The following SNAP47 variants were observed in gnomAD, a reference collection of about 807,000 sequenced individuals.
The protein encoded by SNAP47 is synaptosome associated protein 47, also known as synaptosomal-associated protein 47.
A neutral mutation model predicts 31.4 loss-of-function variants in SNAP47; 20 were observed. The observed-to-expected ratio is 0.64, with a 90% CI of 0.45 to 0.93. SNAP47 has a LOEUF of 0.93. Ranked by LOEUF, SNAP47 falls within the 40% of genes least tolerant of loss-of-function variation. The probability of loss-of-function intolerance (pLI) is 0.00; values close to 1 mark genes in which losing one functional copy is unlikely to be tolerated. For synonymous variants in SNAP47, 194 were observed against 213.4 expected (o/e 0.91, Z 0.79); for missense variants, 492 against 528.5 (o/e 0.93, Z 0.68).
chr1:227,748,202 AAG>A lies in SNAP47; in HGVS notation c.468_469del (p.Lys156AsnfsTer24). 6.2e-7 allele frequency: 1 copy of A among 1,602,434 alleles called. No homozygotes were observed. The highest frequency in any genetic ancestry group is 8.5e-7 in the Non-Finnish European group (1 of 1,174,220). The part of the protein sequence containing the change: ...QLDSVMRGLD[K>X]MESDLEVADR... ...GGACAGCGTCATGAGAGGCCTGGAC[AAG>A]ATGGAGTCAGACCTGGAGGTGGCGG... On this transcript the variant is annotated frameshift_variant, in exon 2 of 5. Transcript: ENST00000617596. LOFTEE classifies it high-confidence loss of function.
chr1:227,742,790 C>T (rs898094368), intron 1 of SNAP47, among the ~76,000 whole-genome samples: 4 of 152,226 alleles, frequency 2.6e-5, no homozygotes, highest in Non-Finnish European at 4.4e-5. Context: ...CCTGTGGGTA[C>T]TGGCTTGCCT....
chr1:227,771,997 C>T (rs920018627), intron 4 of SNAP47, among the ~76,000 whole-genome samples: 1 of 152,132 alleles, frequency 6.6e-6, no homozygotes, highest in African/African-American at 2.4e-5. Context: ...ACAGGTCAAG[C>T]AGAGACCGAG....
intron 2 of SNAP47, among the ~76,000 whole-genome samples, chr1:227,755,379 C>T (rs76342702): frequency 6.8e-6 from 1 of 147,068 alleles, no homozygotes; most frequent in Non-Finnish European, 1.5e-5. Flanking sequence ...GTTTTGTTTT[C>T]TTTTTTTTCT....
rs549374335 is a variant in SNAP47 at position 227,762,230 on chromosome 1, C to T, written c.988+2745C>T. ...GCCACCTTTCCGTGCTCACTTTCAC[C>T]CCCATGGGCAACCTGGCCTGTCCAG... On this transcript the variant is annotated intron_variant, in intron 3 of 4. Coordinates refer to ENST00000617596, the MANE Select transcript of SNAP47 (RefSeq NM_053052.4). The surrounding 1 kb of genome is among the most constrained non-coding windows in gnomAD (Gnocchi z 4.2). Among the ~76,000 whole-genome samples the T allele has an allele frequency of 1.3e-5, 2 of 152,222 alleles. No individual in the cohort carries two copies. The highest frequency in any genetic ancestry group is 2.9e-5 in the Non-Finnish European group (2 of 68,034).
intron 2 of SNAP47, among the ~76,000 whole-genome samples, chr1:227,752,597 G>A (rs972785538): frequency 2.6e-5 from 4 of 152,124 alleles, no homozygotes; most frequent in African/African-American, 9.7e-5. Flanking sequence ...AAATTCCATG[G>A]CATATAGACA....
intron 3 of SNAP47, among the ~76,000 whole-genome samples, chr1:227,764,667 A>T (rs1186160500): frequency 2.0e-5 from 3 of 152,188 alleles, no homozygotes; most frequent in Non-Finnish European, 2.9e-5. Flanking sequence ...GCAGTTGGGG[A>T]GGCAGAGGCG....
chr1:227,747,987 G>C lies in SNAP47; in HGVS notation c.251G>C (p.Arg84Pro). 1 of 1,614,188 alleles carries C rather than the reference G, an allele frequency of 6.2e-7. No homozygotes were observed. The highest frequency in any genetic ancestry group is 8.5e-7 in the Non-Finnish European group (1 of 1,180,030). The change falls in exon 2 of 5, where the codon CGG (arginine) becomes CCG (proline). Residue 84 changes from arginine to proline, a missense_variant. Transcript: ENST00000617596. ...GHAKHWFSSL[R>P]PSRNVVFSII... ...GCCAAGCACTGGTTCAGCTCCCTGC[G>C]GCCAAGTCGAAATGTGGTCTTCAGC...
chr1:227,767,144 C>T (rs1051483082), intron 4 of SNAP47, 61 bp downstream of exon 4: 1 of 1,594,844 alleles, frequency 6.3e-7, no homozygotes, highest in Non-Finnish European at 8.6e-7. Context: ...GCAGGCTGCT[C>T]CTCTTGCCTT....
At chr1:227,758,886 G>A in intron 2 of SNAP47, 109 bp from the exon 3 acceptor site, 1 of 1,366,342 alleles carries the variant, frequency 7.3e-7, no homozygotes. Context: ...ATGAAGTAGA[G>A]TAAAATGGCA....
intron 4 of SNAP47, among the ~76,000 whole-genome samples, chr1:227,773,389 T>C (rs1251204787): frequency 6.6e-6 from 1 of 152,210 alleles, no homozygotes; most frequent in Non-Finnish European, 1.5e-5. Flanking sequence ...TTTGAAATTT[T>C]ATTACAGAAG....
chr1:227,730,082 T>C (rs1165849884), upstream of SNAP47, among the ~76,000 whole-genome samples: 1 of 152,188 alleles, frequency 6.6e-6, no homozygotes, highest in African/African-American at 2.4e-5. Flanking sequence ...CTCTGACCCC[T>C]TTCCTCAGGA....
chr1:227,764,967 C>T (rs573026772), intron 3 of SNAP47, among the ~76,000 whole-genome samples: 2 of 152,264 alleles, frequency 1.3e-5, no homozygotes, highest in Admixed American at 1.3e-4. Context: ...CTCAGCTACT[C>T]GGGAGGCTGA....
chr1:227,735,527 G>A, intron 1 of SNAP47, 28 bp downstream of exon 1: 4 of 1,372,282 alleles, frequency 2.9e-6, no homozygotes, highest in Non-Finnish European at 3.7e-6. Context: ...TCTGTTGGGC[G>A]CCCGGCCCAA....
intron 3 of SNAP47, chr1:227,759,792 C>T (rs570593030): frequency 4.2e-5 from 17 of 402,290 alleles, no homozygotes; most frequent in Non-Finnish European, 6.8e-5. Flanking sequence ...GAAATTTGGT[C>T]GCCAGTGTGG....
intron 1 of SNAP47, among the ~76,000 whole-genome samples, chr1:227,744,342 T>C (rs763043179): frequency 6.6e-6 from 1 of 152,168 alleles, no homozygotes; most frequent in Non-Finnish European, 1.5e-5. Flanking sequence ...CAACAGCTGA[T>C]TGGCATGTAT....
At chr1:227,772,415 G>A (rs974467152) in intron 4 of SNAP47, among the ~76,000 whole-genome samples, 6 of 150,402 alleles carry the variant, frequency 4.0e-5, no homozygotes, top group African/African-American at 1.2e-4. Context: ...GGGGAGTCAC[G>A]CAGCCCTTGT....
upstream of SNAP47, chr1:227,732,789 C>T: frequency 4.4e-6 from 7 of 1,591,460 alleles, no homozygotes; most frequent in Non-Finnish European, 6.0e-6. Flanking sequence ...AAGACAGAGG[C>T]ACTGAGAAGC....
intron 4 of SNAP47, among the ~76,000 whole-genome samples, chr1:227,779,761 C>T (rs981546697): frequency 3.3e-5 from 5 of 152,186 alleles, no homozygotes; most frequent in African/African-American, 4.8e-5. Context: ...CATTAAGCCA[C>T]AGACACAGCA....
At chr1:227,750,896 CAG>C (rs1662304955) in intron 2 of SNAP47, among the ~76,000 whole-genome samples, 1 of 152,166 alleles carries the variant, frequency 6.6e-6, no homozygotes, top group African/African-American at 2.4e-5. Flanking sequence ...TGGGTGCACC[CAG>C]AGACTGTGTA....
Sources: gnomAD v4.1 joint callset for allele counts (sites outside exome capture counted in the v4.1 genomes callset) on GRCh38, gnomAD v4.1.1 for gene constraint, Gnocchi (gnomAD v3.1) non-coding constraint, MANE v1.5 for transcripts, NCBI Gene and HGNC (gene_info 2026-07-23, HGNC 2026-07-21) for gene names.